ANO10: variants seen among roughly 807,000 people sequenced by gnomAD.
ANO10 encodes anoctamin-10.
A neutral mutation model predicts 74.7 loss-of-function variants in ANO10; 77 were observed. The ratio of observed to expected loss-of-function variants is 1.03; its 90% CI spans 0.86 to 1.25. ANO10 has a LOEUF of 1.25. ANO10 is among the 50% of genes most tolerant of loss of function. The probability of loss-of-function intolerance (pLI) is 0.00; values close to 1 mark genes in which losing one functional copy is unlikely to be tolerated. For synonymous variants in ANO10, 279 were observed against 284.9 expected, an observed-to-expected ratio of 0.98 and a Z score of 0.21; for missense variants, 721 against 778.1, an observed-to-expected ratio of 0.93 and a Z score of 0.87.
At chr3:43,558,703 T>G (rs1340633835) in intron 9 of ANO10, among the ~76,000 whole-genome samples, 2 of 152,136 alleles carry the variant, frequency 1.3e-5, no homozygotes, top group Non-Finnish European at 2.9e-5. Context: ...TGATTTCAAT[T>G]AGGAGAAAAA....
chr3:43,501,378 A>C (rs1575276953), intron 11 of ANO10, among the ~76,000 whole-genome samples: 2 of 152,336 alleles, frequency 1.3e-5, no homozygotes, highest in Non-Finnish European at 2.9e-5. Flanking sequence ...CCCATTAGGC[A>C]CCACAACATT....
intron 4 of ANO10, among the ~76,000 whole-genome samples, chr3:43,597,316 T>C (rs997829612): frequency 1.3e-4 from 20 of 152,328 alleles, no homozygotes; most frequent in African/African-American, 4.3e-4. Flanking sequence ...TGCACACGTA[T>C]GTTTATTGTG....
chr3:43,385,218 A>G (rs535826864), intron 12 of ANO10, among the ~76,000 whole-genome samples: 2 of 152,322 alleles, frequency 1.3e-5, no homozygotes, highest in Non-Finnish European at 2.9e-5. Flanking sequence ...CCACAATGCA[A>G]TATCTCCTAC....
rs564675181 is a variant in ANO10, at chr3:43,394,058, C to T, written c.1915-27084G>A. Among the ~76,000 whole-genome samples the T allele has an allele frequency of 5.3e-5, 8 of 152,248 alleles. No individual in the cohort carries two copies. In the South Asian group the frequency reaches 1.7e-3, roughly 31 times the overall value. ...GTATCATAACTTTTTTTTTCTGTCA[C>T]TTCATTTGCATGAGAATTGGGGGAA... On this transcript the variant is annotated intron_variant, in intron 12 of 12. Coordinates refer to ENST00000292246, the MANE Select transcript of ANO10 (RefSeq NM_018075.5).
chr3:43,568,889 A>G (rs1370889490), intron 7 of ANO10, among the ~76,000 whole-genome samples: 1 of 150,658 alleles, frequency 6.6e-6, no homozygotes, highest in Non-Finnish European at 1.5e-5. Context: ...AAATGAATGA[A>G]TCCAGGAGCT....
intron 11 of ANO10, among the ~76,000 whole-genome samples, chr3:43,470,465 T>A (rs1276473359): frequency 1.3e-5 from 2 of 152,134 alleles, no homozygotes; most frequent in South Asian, 2.1e-4. Flanking sequence ...GCTATTCTCC[T>A]GCCTCAGCCT....
At chr3:43,419,198 A>G (rs2092785131) in intron 12 of ANO10, among the ~76,000 whole-genome samples, 2 of 152,234 alleles carry the variant, frequency 1.3e-5, no homozygotes, top group South Asian at 4.1e-4. Flanking sequence ...AGAAGGCAGA[A>G]GCCATCATGT....
intron 11 of ANO10, among the ~76,000 whole-genome samples, chr3:43,494,851 A>G (rs949905405): frequency 2.2e-4 from 33 of 152,216 alleles, no homozygotes; most frequent in African/African-American, 7.7e-4. Flanking sequence ...TCCAAAATTC[A>G]TATACAAATG....
At chr3:43,467,584 T>C (rs1276896781) in intron 11 of ANO10, among the ~76,000 whole-genome samples, 2 of 152,228 alleles carry the variant, frequency 1.3e-5, no homozygotes, top group East Asian at 3.8e-4. Flanking sequence ...CAGCCTGTGC[T>C]GGGGAGTAGA....
intron 1 of ANO10, among the ~76,000 whole-genome samples, chr3:43,608,219 T>C (rs1424569826): frequency 6.6e-6 from 1 of 152,156 alleles, no homozygotes; most frequent in Non-Finnish European, 1.5e-5. Flanking sequence ...ACAAAGTACC[T>C]TGAAGGGCAA....
At chr3:43,630,635 C>T (rs1027386184) in intron 1 of ANO10, among the ~76,000 whole-genome samples, 10 of 152,186 alleles carry the variant, frequency 6.6e-5, no homozygotes, top group Admixed American at 6.5e-4. Context: ...GTTGTTACCT[C>T]TGCCTGGAAT....
chr3:43,485,378 C>A (rs935890834), intron 11 of ANO10: 10 of 450,112 alleles, frequency 2.2e-5, no homozygotes, highest in African/African-American at 1.8e-4. Context: ...CGCTCCTGAT[C>A]GGGCTAAAGA....
rs5848663 is a variant in ANO10 at position 43,432,944 on chromosome 3, C to CTTTTTTTTTTTT, written c.1798-229_1798-218dup. On this transcript the variant is annotated intron_variant, in intron 11 of 12. Coordinates refer to ENST00000292246, the MANE Select transcript of ANO10 (RefSeq NM_018075.5). ...CAGTAATTACTGACTTTGCTTAATT[C>CTTTTTTTTTTTT]TTTTTTTTTTTTTTTTTTTTTTTTT... is the stretch of plus-strand genomic sequence containing the variant. Among the ~76,000 whole-genome samples the CTTTTTTTTTTTT allele has an allele frequency of 6.7e-3, 369 of 55,266 alleles. 87 individuals carry two copies. Among genetic ancestry groups the CTTTTTTTTTTTT allele is most frequent in the Non-Finnish European group, 8.3e-3 (248 of 30,052 alleles). 36.3% of individuals were successfully genotyped at this position (55,266 alleles called of 152,430 possible).
At chr3:43,418,901 A>G (rs1297707362) in intron 12 of ANO10, among the ~76,000 whole-genome samples, 1 of 152,260 alleles carries the variant, frequency 6.6e-6, no homozygotes, top group Admixed American at 6.5e-5. Flanking sequence ...GAACATAGCC[A>G]CGCTCTTTCA....
chr3:43,669,367 C>T (rs545154205), intron 1 of ANO10, among the ~76,000 whole-genome samples: 1 of 152,176 alleles, frequency 6.6e-6, no homozygotes, highest in Admixed American at 6.5e-5. Flanking sequence ...GGAGGTAAAA[C>T]TCATGAAAAT....
chr3:43,410,502 GA>G (rs2092647970), intron 12 of ANO10, among the ~76,000 whole-genome samples: 1 of 152,130 alleles, frequency 6.6e-6, no homozygotes, highest in Non-Finnish European at 1.5e-5. Flanking sequence ...CCCTGTATCT[GA>G]TTCTGCAAGG....
chr3:43,577,671 T>C (rs181155832), intron 5 of ANO10, among the ~76,000 whole-genome samples: 41 of 152,356 alleles, frequency 2.7e-4, no homozygotes, highest in Admixed American at 2.4e-3. Flanking sequence ...CTTAGTGTTA[T>C]AAATGTTCTT....
At chr3:43,526,101 A>C (rs1241013586) in intron 11 of ANO10, among the ~76,000 whole-genome samples, 2 of 152,234 alleles carry the variant, frequency 1.3e-5, no homozygotes, top group Admixed American at 1.3e-4. Context: ...AAGCACTTGA[A>C]TGATGAAAAT....
At chr3:43,587,846 A>G (rs1257292435) in intron 4 of ANO10, among the ~76,000 whole-genome samples, 1 of 152,236 alleles carries the variant, frequency 6.6e-6, no homozygotes, top group East Asian at 1.9e-4. Context: ...AAATACCATT[A>G]AAACAGGAGT....
Sources: gnomAD v4.1 joint callset for allele counts (sites outside exome capture counted in the v4.1 genomes callset) on GRCh38, gnomAD v4.1.1 for gene constraint, MANE v1.5 for transcripts, NCBI Gene and HGNC (gene_info 2026-07-23, HGNC 2026-07-21) for gene names.